The following NKAIN1 variants were observed in gnomAD, a reference collection of about 807,000 sequenced individuals.
NKAIN1 encodes the protein sodium/potassium-transporting ATPase subunit beta-1-interacting protein 1.
NKAIN1 carries 13 observed loss-of-function variants against 31.6 expected under a neutral mutation model. The ratio of observed to expected loss-of-function variants is 0.41; its 90% CI spans 0.27 to 0.65. The LOEUF is 0.65. Ranked by LOEUF, NKAIN1 falls within the 30% of genes least tolerant of loss-of-function variation. The pLI, the probability that NKAIN1 is intolerant of heterozygous loss-of-function variation, is 0.30. For synonymous variants in NKAIN1, 104 were observed against 109.0 expected (o/e 0.95, Z 0.28); for missense variants, 193 against 262.2 (o/e 0.74, Z 1.82).
intron 1 of NKAIN1, chr1:31,193,892 G>A (rs936277029): frequency 7.2e-5 from 11 of 152,154 alleles, no homozygotes; most frequent in Non-Finnish European, 1.5e-4. Context: ...CTGTGTCTTT[G>A]TTACTTAGAA....
chr1:31,223,355 G>A (rs1645578078), intron 1 of NKAIN1, among the ~76,000 whole-genome samples: 1 of 122,376 alleles, frequency 8.2e-6, no homozygotes, highest in Non-Finnish European at 1.6e-5. Context: ...CAGCCTGGGA[G>A]ACAGAGCAAG....
intron 1 of NKAIN1, among the ~76,000 whole-genome samples, chr1:31,234,651 G>A (rs965408255): frequency 3.3e-5 from 5 of 151,846 alleles, no homozygotes; most frequent in African/African-American, 1.2e-4. Context: ...AGGTCACACA[G>A]AGCTGGGACA....
chr1:31,199,333 C>T (rs1240848999), intron 1 of NKAIN1, among the ~76,000 whole-genome samples: 1 of 152,176 alleles, frequency 6.6e-6, no homozygotes, highest in Non-Finnish European at 1.5e-5. Flanking sequence ...CAGACAGTGC[C>T]CATAAAGCTC....
In NKAIN1 at chr1:31,220,476, C is replaced by T. The variant is rs555596180; in HGVS notation, c.54+19018G>A. Among the ~76,000 whole-genome samples the T allele has an allele frequency of 3.9e-5, 6 of 152,004 alleles. No individual in the cohort carries two copies. In the South Asian group the frequency reaches 6.2e-4, roughly 16 times the overall value. ...TAGCACAGAATAAGCACCCAGTGGC[C>T]GGGCACGGTGGCTCACGCCTATAAT... On this transcript the variant is annotated intron_variant, in intron 1 of 6. Coordinates refer to ENST00000373736, the MANE Select transcript of NKAIN1 (RefSeq NM_024522.3).
At chr1:31,193,620 C>T (rs1322923347) in intron 1 of NKAIN1, among the ~76,000 whole-genome samples, 4 of 151,864 alleles carry the variant, frequency 2.6e-5, no homozygotes, top group Non-Finnish European at 5.9e-5. Flanking sequence ...TACTTGAACC[C>T]GGGAGGTGGA....
intron 1 of NKAIN1, among the ~76,000 whole-genome samples, chr1:31,223,150 G>A (rs1159131691): frequency 6.6e-6 from 1 of 152,110 alleles, no homozygotes; most frequent in African/African-American, 2.4e-5. Flanking sequence ...GCTGAGGTGG[G>A]TGGATCACCC....
chr1:31,239,663 C>T lies in NKAIN1; in HGVS notation c.-116G>A, dbSNP rs1645720082. ...CCGCTGGGCGCGCCGGGCGGCGGGG[C>T]CGGGCGCCTAGGGCCGGGCCCGGGA... is the stretch of plus-strand genomic sequence containing the variant. On this transcript the variant is annotated 5_prime_UTR_variant, in exon 1 of 7. Coordinates refer to ENST00000373736, the MANE Select transcript of NKAIN1 (RefSeq NM_024522.3). The surrounding 1 kb of genome is among the most constrained non-coding windows in gnomAD (Gnocchi z 4.8). 2.3e-6 allele frequency: 1 copy of T among 429,078 alleles called. No homozygotes were observed. Among genetic ancestry groups the T allele is most frequent in the Non-Finnish European group, 3.1e-6 (1 of 322,188 alleles). 26.6% of individuals were successfully genotyped at this position (429,078 alleles called of 1,614,324 possible). A position where few individuals can be genotyped will look rare whatever the true frequency, so the allele number is the denominator to read the frequency against.
At chr1:31,212,016 C>T (rs1396637377) in intron 1 of NKAIN1, among the ~76,000 whole-genome samples, 2 of 151,870 alleles carry the variant, frequency 1.3e-5, no homozygotes, top group Non-Finnish European at 2.9e-5. Flanking sequence ...TGAAAAAGAA[C>T]AAAGTTTGAG....
At chr1:31,188,284 T>C in intron 1 of NKAIN1, 97 bp from the exon 2 acceptor site, 6 of 1,352,244 alleles carry the variant, frequency 4.4e-6, no homozygotes, top group Non-Finnish European at 6.1e-6. Context: ...CCAGTTACCA[T>C]GGTGATGAGG....
chr1:31,185,014 T>C, intron 3 of NKAIN1: 1 of 512,326 alleles, frequency 2.0e-6, no homozygotes, highest in Non-Finnish European at 3.6e-6. Flanking sequence ...CTGGGACCCC[T>C]GGCTCATCTT....
chr1:31,200,941 C>A (rs1363230886), intron 1 of NKAIN1, among the ~76,000 whole-genome samples: 1 of 151,654 alleles, frequency 6.6e-6, no homozygotes, highest in African/African-American at 2.4e-5. Flanking sequence ...TCAAGCAATT[C>A]TCTGCCTCAG....
At chr1:31,220,127 C>A (rs1203891207) in intron 1 of NKAIN1, among the ~76,000 whole-genome samples, 1 of 151,228 alleles carries the variant, frequency 6.6e-6, no homozygotes, top group Non-Finnish European at 1.5e-5. Context: ...CATGCCTCAG[C>A]CACCTGAGCA....
chr1:31,188,200 C>A lies in NKAIN1; in HGVS notation c.55-13G>T. On this transcript the variant is annotated splice_polypyrimidine_tract_variant and intron_variant, in intron 1 of 6. Coordinates refer to ENST00000373736, the MANE Select transcript of NKAIN1 (RefSeq NM_024522.3). ...CCAGCGCAGCCACCTGTGGAAGAGACAGGCTGAGGCCACTGTCACCCCCCT... is the reference window on the plus strand; with the variant it reads ...CCAGCGCAGCCACCTGTGGAAGAGAAAGGCTGAGGCCACTGTCACCCCCCT... The A allele has an allele frequency of 6.4e-7, 1 of 1,550,600 alleles. No individual in the cohort carries two copies.
chr1:31,190,655 TC>T (rs1410036765), intron 1 of NKAIN1, among the ~76,000 whole-genome samples: 1 of 152,160 alleles, frequency 6.6e-6, no homozygotes, highest in Non-Finnish European at 1.5e-5. Flanking sequence ...GGGCTCCTCT[TC>T]CATGCATGGA....
intron 1 of NKAIN1, among the ~76,000 whole-genome samples, chr1:31,232,768 A>G (rs560365770): frequency 6.6e-6 from 1 of 152,136 alleles, no homozygotes; most frequent in Admixed American, 6.5e-5. Context: ...AGAGCTGACT[A>G]TCTCTGCTTG....
rs530021852 is a variant in NKAIN1, at chr1:31,215,945, G to T, written c.54+23549C>A. Among the ~76,000 whole-genome samples, 80 of 152,228 alleles carry T rather than the reference G, an allele frequency of 5.3e-4. 1 individual carries two copies. The South Asian group carries it at 0.016, about 30-fold the overall frequency. ...TTCAGCTCTCACAACTACAAATGAGGGATGGGCCACTGCCCCCTCGTTCTA... is the reference window on the plus strand; with the variant it reads ...TTCAGCTCTCACAACTACAAATGAGTGATGGGCCACTGCCCCCTCGTTCTA... On this transcript the variant is annotated intron_variant, in intron 1 of 6. Coordinates refer to ENST00000373736, the MANE Select transcript of NKAIN1 (RefSeq NM_024522.3).
At chr1:31,189,003 AC>A (rs1358700588) in intron 1 of NKAIN1, among the ~76,000 whole-genome samples, 2 of 147,794 alleles carry the variant, frequency 1.4e-5, no homozygotes, top group South Asian at 4.4e-4. Context: ...ACAGAGTGAG[AC>A]CCCGTCTCAA....
At chr1:31,236,442 C>CT (rs1645692956) in intron 1 of NKAIN1, among the ~76,000 whole-genome samples, 1 of 152,196 alleles carries the variant, frequency 6.6e-6, no homozygotes, top group African/African-American at 2.4e-5. Context: ...TTAACAGCCT[C>CT]TTTTTTCCCT....
chr1:31,188,200 C>T lies in NKAIN1; in HGVS notation c.55-13G>A. ...CCAGCGCAGCCACCTGTGGAAGAGACAGGCTGAGGCCACTGTCACCCCCCT... is the reference window on the plus strand; with the variant it reads ...CCAGCGCAGCCACCTGTGGAAGAGATAGGCTGAGGCCACTGTCACCCCCCT... On this transcript the variant is annotated splice_polypyrimidine_tract_variant and intron_variant, in intron 1 of 6. Coordinates refer to ENST00000373736, the MANE Select transcript of NKAIN1 (RefSeq NM_024522.3). 3 of 1,550,600 alleles carry T rather than the reference C, an allele frequency of 1.9e-6. No individual in the cohort carries two copies. Among genetic ancestry groups the T allele is most frequent in the East Asian group, 4.9e-5 (2 of 40,910 alleles).
Sources: gnomAD v4.1 joint callset for allele counts (sites outside exome capture counted in the v4.1 genomes callset) on GRCh38, gnomAD v4.1.1 for gene constraint, Gnocchi (gnomAD v3.1) non-coding constraint, MANE v1.5 for transcripts, NCBI Gene and HGNC (gene_info 2026-07-23, HGNC 2026-07-21) for gene names.